MIA3: variants seen among roughly 807,000 people sequenced by gnomAD.
MIA3 encodes the protein MIA SH3 domain ER export factor 3.
MIA3 carries 90 observed loss-of-function variants against 192.4 expected under a neutral mutation model. The observed-to-expected ratio is 0.47, with a 90% confidence interval of 0.39 to 0.56. MIA3 has a LOEUF of 0.56. MIA3 is among the 20% of genes least tolerant of loss of function. MIA3 has a pLI of 0.00. For synonymous variants in MIA3, 740 were observed against 792.8 expected (o/e 0.93, Z 1.12); for missense variants, 2,123 against 2,269.4 (o/e 0.94, Z 1.31).
chr1:222,621,718 AG>A (rs1184117797), intron 2 of MIA3, among the ~76,000 whole-genome samples: 1 of 152,144 alleles, frequency 6.6e-6, no homozygotes, highest in African/African-American at 2.4e-5. Flanking sequence ...TTTATGAAAA[AG>A]TGGCAGTCTT....
Position 222,659,779 on chromosome 1 carries a change from G to C in MIA3, c.4852G>C (p.Glu1618Gln). Reference sequence around the variant, plus strand: ...AAGAGCTATAGCTGAAGAGAAAAGGGAAGCTGCCAATTTGAGACACAAGTA... The same window carrying C: ...AAGAGCTATAGCTGAAGAGAAAAGGCAAGCTGCCAATTTGAGACACAAGTA... ...AERAIAEEKR[E>Q]AANLRHKLLE... Residue 1618 changes from glutamate to glutamine, a missense_variant, in exon 22 of 28, where the codon GAA (glutamate) becomes CAA (glutamine). Coordinates refer to ENST00000344922, the MANE Select transcript of MIA3 (RefSeq NM_198551.4). 2 of 1,614,106 alleles carry C rather than the reference G, an allele frequency of 1.2e-6. No individual in the cohort carries two copies. The highest frequency in any genetic ancestry group is 1.7e-6 in the Non-Finnish European group (2 of 1,179,990).
Position 222,665,481 on chromosome 1 carries a change from C to T in MIA3, c.5586C>T (p.Pro1862=), listed in dbSNP as rs189601285. The T allele has an allele frequency of 9.3e-4, 1,504 of 1,614,052 alleles. 1 individual carries two copies. Among genetic ancestry groups the T allele is most frequent in the Non-Finnish European group, 1.1e-3 (1,332 of 1,179,996 alleles). Residue 1862 remains proline, a synonymous_variant, in exon 28 of 28, where the codon CCC becomes CCT. Transcript: ENST00000344922. The part of the protein sequence containing the change: ...EYFIPGTRLP[P]PTHGPQEYPP... ...TTATTCCTGGTACCCGATTACCACCCCCAACCCATGGTCCCCAGGAATACC... is the reference window on the plus strand; with the variant it reads ...TTATTCCTGGTACCCGATTACCACCTCCAACCCATGGTCCCCAGGAATACC...
intron 6 of MIA3, among the ~76,000 whole-genome samples, chr1:222,641,069 G>A (rs1321370809): frequency 2.6e-5 from 4 of 152,228 alleles, no homozygotes; most frequent in Non-Finnish European, 1.5e-5. Flanking sequence ...TTTACCATGT[G>A]TTGGAGAAGA....
At position 222,663,444 on chromosome 1, in the gene MIA3, G is replaced by A. The variant is rs74665931; in HGVS notation, c.5263-554G>A. Among the ~76,000 whole-genome samples the A allele has an allele frequency of 1.5e-3, 225 of 152,246 alleles. 7 individuals carry two copies. The South Asian group carries it at 0.021, about 14-fold the overall frequency. On this transcript the variant is annotated intron_variant, in intron 26 of 27. Transcript: ENST00000344922. ...TTCCAGCCAGCCTCTTACATGCTGT[G>A]TGACCATCAGCAAATCTAATACTCT...
chr1:222,626,030 T>C (rs976846209), intron 3 of MIA3, among the ~76,000 whole-genome samples: 2 of 152,182 alleles, frequency 1.3e-5, no homozygotes, highest in Non-Finnish European at 2.9e-5. Context: ...GCCTTTCATA[T>C]ATATATATAA....
chr1:222,650,153 CTT>C (rs1322039475), intron 8 of MIA3, 137 bp from the exon 9 acceptor site: 5 of 683,522 alleles, frequency 7.3e-6, no homozygotes, highest in Non-Finnish European at 1.4e-5. Context: ...AACCATATCA[CTT>C]TTTAAAACCA....
rs778221337 is a variant in MIA3, at chr1:222,637,683, A to ATTTTTTTTTTTTTTTTTTTTTTTTTTT, written c.3477+4434_3477+4435insTTTTTTTTTTTTTTTTTTTTTTTTTTT. Among the ~76,000 whole-genome samples the ATTTTTTTTTTTTTTTTTTTTTTTTTTT allele has an allele frequency of 6.7e-5, 2 of 29,838 alleles. 1 individual carries two copies. 19.6% of individuals were successfully genotyped at this position (29,838 alleles called of 152,430 possible). On this transcript the variant is annotated intron_variant, in intron 6 of 27. Coordinates refer to ENST00000344922, the MANE Select transcript of MIA3 (RefSeq NM_198551.4). ...GGTGTGTTTCTATCCAATCAAGAAT[A>ATTTTTTTTTTTTTTTTTTTTTTTTTTT]ATTTTTTTTTTTTTTTTTTTTGGTT...
At chr1:222,645,862 C>A in intron 7 of MIA3, 177 bp downstream of exon 7, 1 of 551,962 alleles carries the variant, frequency 1.8e-6, no homozygotes, top group Non-Finnish European at 3.0e-6. Context: ...GTGAATAAGA[C>A]AACATGTATA....
At chr1:222,643,448 C>T (rs1662953935) in intron 6 of MIA3, among the ~76,000 whole-genome samples, 1 of 152,100 alleles carries the variant, frequency 6.6e-6, no homozygotes, top group Non-Finnish European at 1.5e-5. Context: ...CTTCACTGCT[C>T]TTCTTTCTCA....
chr1:222,618,217 A>G lies in MIA3; in HGVS notation c.107A>G (p.Lys36Arg), dbSNP rs1270086225. ...ACTGGCCGGCGGTTCTCGGAGCACA[A>G]ACTCTGCGCGGACGACGAATGCAGC... ...PSTGRRFSEHKLCADDECSML... is the reference protein window; with the variant it reads ...PSTGRRFSEHRLCADDECSML... The change falls in exon 1 of 28, where the codon AAA becomes AGA. Residue 36 changes from lysine to arginine, a missense_variant. Lys to Arg is a conservative substitution (Grantham distance 26, BLOSUM62 2). Transcript: ENST00000344922. The G allele has an allele frequency of 5.4e-6, 8 of 1,487,774 alleles. No individual in the cohort carries two copies. Among genetic ancestry groups the G allele is most frequent in the Non-Finnish European group, 7.2e-6 (8 of 1,114,716 alleles). 92.2% of individuals were successfully genotyped at this position (1,487,774 alleles called of 1,614,324 possible). A position where few individuals can be genotyped will look rare whatever the true frequency, so the allele number is the denominator to read the frequency against.
At position 222,629,910 on chromosome 1, in the gene MIA3, C is replaced by T; in HGVS notation, c.2690C>T (p.Ala897Val). 6.2e-7 allele frequency: 1 copy of T among 1,614,082 alleles called. No individual in the cohort carries two copies. The highest frequency in any genetic ancestry group is 8.5e-7 in the Non-Finnish European group (1 of 1,180,016). ...MGTESQGSAA[A>V]EPEDDSFHWT... ...ACAGAAAGCCAGGGGTCTGCTGCTG[C>T]AGAACCTGAAGATGACTCGTTCCAC... The change falls in exon 4 of 28, where the codon GCA (alanine) becomes GTA (valine). Residue 897 changes from alanine (A) to valine (V), a missense_variant. By Grantham distance (64) the Ala-to-Val change is moderately conservative. Around this residue, in one of 3 missense-constraint regions of MIA3, gnomAD observed 1,357 missense variants for 1,396.1 expected, o/e 0.97. Transcript: ENST00000344922.
intron 1 of MIA3, among the ~76,000 whole-genome samples, chr1:222,620,277 T>G (rs1198998294): frequency 6.6e-6 from 1 of 152,214 alleles, no homozygotes; most frequent in Admixed American, 6.5e-5. Context: ...TCATCTTACA[T>G]GGGAAACTGT....
chr1:222,621,362 G>T, intron 2 of MIA3, 70 bp downstream of exon 2: 1 of 1,434,034 alleles, frequency 7.0e-7, no homozygotes, highest in South Asian at 1.3e-5. Flanking sequence ...AGAGTTAAAT[G>T]ACTGCATTTT....
chr1:222,652,223 A>C lies in MIA3; in HGVS notation c.3982-5A>C. 6.2e-7 allele frequency: 1 copy of C among 1,606,724 alleles called. No individual in the cohort carries two copies. On this transcript the variant is annotated splice_region_variant and splice_polypyrimidine_tract_variant and intron_variant, in intron 12 of 27. Coordinates refer to ENST00000344922, the MANE Select transcript of MIA3 (RefSeq NM_198551.4). ...TAATTCACTAATAGGAGTGTTTTGC[A>C]TTAGGTTCAGATTGCACTTAATGAA...
At position 222,667,506 on chromosome 1, in the gene MIA3, T is replaced by G. The variant is rs993581570; in HGVS notation, c.*1887T>G. 2 of 152,196 alleles carry G rather than the reference T, an allele frequency of 1.3e-5. No homozygotes were observed. The highest frequency in any genetic ancestry group is 4.8e-5 in the African/African-American group (2 of 41,428). The allele number at this position is 152,196 out of a possible 1,614,324, so 9.4% of individuals were successfully genotyped here. A position where few individuals can be genotyped will look rare whatever the true frequency, so the allele number is the denominator to read the frequency against. ...AATCTATTTTTAAAATTCAAAATAT[T>G]AGAGTATTTTTCCCCTCTAAAGCCT... On this transcript the variant is annotated 3_prime_UTR_variant, in exon 28 of 28. Transcript: ENST00000344922.
chr1:222,645,830 T>C, intron 7 of MIA3, 145 bp downstream of exon 7: 1 of 726,032 alleles, frequency 1.4e-6, no homozygotes, highest in South Asian at 2.2e-5. Context: ...TTAGTATAAT[T>C]TTTGTGTTGG....
Position 222,628,663 on chromosome 1 carries a change from T to C in MIA3, c.1443T>C (p.Asp481=). 1 of 1,613,932 alleles carries C rather than the reference T, an allele frequency of 6.2e-7. No homozygotes were observed. The highest frequency in any genetic ancestry group is 8.5e-7 in the Non-Finnish European group (1 of 1,179,966). Residue 481 remains aspartate (D), a synonymous_variant, in exon 4 of 28, where the codon GAT becomes GAC. Transcript: ENST00000344922. ...AATCCAAGAGGGGCCTGGTACAAGATAAGACAGAATTAGAGGATGAAAATC... is the reference window on the plus strand; with the variant it reads ...AATCCAAGAGGGGCCTGGTACAAGACAAGACAGAATTAGAGGATGAAAATC... ...VQESKRGLVQ[D]KTELEDENQE...
intron 23 of MIA3, 73 bp from the exon 24 acceptor site, chr1:222,660,104 A>G (rs1663934943): frequency 2.5e-6 from 4 of 1,589,890 alleles, no homozygotes; most frequent in Non-Finnish European, 3.4e-6. Context: ...ATGGTACCCT[A>G]GGAATAATCC....
intron 7 of MIA3, 69 bp downstream of exon 7, chr1:222,645,754 T>C: frequency 1.5e-6 from 2 of 1,373,438 alleles, no homozygotes; most frequent in African/African-American, 2.9e-5. Flanking sequence ...TCCTTTTGTT[T>C]CTTTTTCAGT....
Sources: allele counts gnomAD v4.1 joint callset (sites outside exome capture counted in the v4.1 genomes callset), GRCh38; gene constraint gnomAD v4.1.1; regional missense constraint gnomAD v4.1.1; transcripts MANE v1.5; gene names NCBI Gene and HGNC (gene_info 2026-07-23, HGNC 2026-07-21).